GRM8: variants seen among roughly 807,000 people sequenced by gnomAD.
The protein encoded by GRM8 is metabotropic glutamate receptor 8.
Under a neutral mutation model 87.2 loss-of-function variants are expected in GRM8, and 47 were observed. The observed-to-expected ratio is 0.54, with a 90% CI of 0.43 to 0.69. The LOEUF is 0.69. GRM8 is among the 30% of genes least tolerant of loss of function. GRM8 has a pLI of 0.00. For missense variants in GRM8, 1,019 were observed against 1,139.2 expected (o/e 0.89, Z 1.52); for synonymous variants, 396 against 404.5 (o/e 0.98, Z 0.25).
chr7:127,049,296 A>T (rs1394575930), intron 3 of GRM8, among the ~76,000 whole-genome samples: 1 of 152,192 alleles, frequency 6.6e-6, no homozygotes, highest in Non-Finnish European at 1.5e-5. Context: ...TTTACTAATG[A>T]AATATTTCTG....
At chr7:126,846,309 C>T (rs1032725515) in intron 6 of GRM8, among the ~76,000 whole-genome samples, 1 of 152,174 alleles carries the variant, frequency 6.6e-6, no homozygotes, top group Non-Finnish European at 1.5e-5. Flanking sequence ...ATCAATAAAA[C>T]CAAATGTAGG....
Position 127,252,377 on chromosome 7 carries a change from A to G in GRM8, c.-312+420T>C, listed in dbSNP as rs1798922050. On this transcript the variant is annotated intron_variant, in intron 1 of 10. Coordinates refer to ENST00000339582, the MANE Select transcript of GRM8 (RefSeq NM_000845.3). This position sits in a 1 kb window ranked among gnomAD's most constrained non-coding sequence, Gnocchi z 4.9. ...CCTCTTTTCTGAACCTCTTTACTGT[A>G]ATGTAATCATGGGCAGACAAGAGGG... 6.6e-6 allele frequency: 1 copy of G among 152,096 alleles called. No homozygotes were observed. The highest frequency in any genetic ancestry group is 2.4e-5 in the African/African-American group (1 of 41,400). 9.4% of individuals were successfully genotyped at this position (152,096 alleles called of 1,614,324 possible). A position where few individuals can be genotyped will look rare whatever the true frequency, so the allele number is the denominator to read the frequency against.
chr7:127,084,959 G>A (rs761540971), intron 3 of GRM8, among the ~76,000 whole-genome samples: 27 of 152,038 alleles, frequency 1.8e-4, no homozygotes, highest in Non-Finnish European at 1.9e-4. Context: ...GCAAACCCTC[G>A]CCCAACCCTC....
chr7:127,177,888 C>A (rs959320235), intron 2 of GRM8, among the ~76,000 whole-genome samples: 10 of 152,132 alleles, frequency 6.6e-5, no homozygotes, highest in African/African-American at 2.4e-4. Flanking sequence ...CAGAGGCCAC[C>A]CAAATGAGAA....
intron 7 of GRM8, among the ~76,000 whole-genome samples, chr7:126,610,121 G>A (rs747967616): frequency 1.3e-5 from 2 of 152,226 alleles, no homozygotes; most frequent in Non-Finnish European, 2.9e-5. Flanking sequence ...AGGTCTAACA[G>A]TGGCAGAGCA....
At chr7:126,467,427 G>A (rs1322558435) in intron 9 of GRM8, among the ~76,000 whole-genome samples, 1 of 151,844 alleles carries the variant, frequency 6.6e-6, no homozygotes, top group African/African-American at 2.4e-5. Flanking sequence ...AACAGATATC[G>A]AAGGCTTCAT....
intron 8 of GRM8, among the ~76,000 whole-genome samples, chr7:126,584,622 CTCT>C (rs1298647378): frequency 1.3e-5 from 2 of 152,154 alleles, no homozygotes; most frequent in East Asian, 1.9e-4. Flanking sequence ...TTGTGGTCTG[CTCT>C]TCTATAAACC....
intron 2 of GRM8, among the ~76,000 whole-genome samples, chr7:127,188,217 A>G (rs1255018810): frequency 6.6e-6 from 1 of 152,230 alleles, no homozygotes. Context: ...TATAGATGAG[A>G]AAACTGAAAC....
At chr7:127,161,252 G>A (rs1793096793) in intron 2 of GRM8, among the ~76,000 whole-genome samples, 9 of 152,074 alleles carry the variant, frequency 5.9e-5, no homozygotes, top group Admixed American at 5.2e-4. Flanking sequence ...TTTGATCTTT[G>A]AGAGAAGAGC....
In GRM8 at chr7:127,191,172, A is replaced by T. The variant is rs377076825; in HGVS notation, c.510+51523T>A. Among the ~76,000 whole-genome samples the T allele has an allele frequency of 2.6e-5, 4 of 152,312 alleles. No homozygotes were observed. The East Asian group carries it at 7.7e-4, about 29-fold the overall frequency. On this transcript the variant is annotated intron_variant, in intron 2 of 10. Transcript: ENST00000339582. ...TCATCTGATTCAATTATGTAAGCTT[A>T]TATTTTAGAAATGCCAACTCCTTTA...
chr7:126,534,098 G>A (rs1034893887), intron 8 of GRM8, among the ~76,000 whole-genome samples: 1 of 152,050 alleles, frequency 6.6e-6, no homozygotes, highest in Non-Finnish European at 1.5e-5. Context: ...AACTTGATGA[G>A]TGTCATTAGT....
At chr7:127,076,628 T>A (rs1228196984) in intron 3 of GRM8, among the ~76,000 whole-genome samples, 1 of 152,114 alleles carries the variant, frequency 6.6e-6, no homozygotes, top group East Asian at 1.9e-4. Context: ...CTTTAAGGAG[T>A]CCCTGAAGAG....
chr7:127,147,787 G>A (rs1403532902), intron 2 of GRM8, among the ~76,000 whole-genome samples: 1 of 151,580 alleles, frequency 6.6e-6, no homozygotes, highest in East Asian at 1.9e-4. Flanking sequence ...TTTTTATGTT[G>A]TTTACCCAGA....
At chr7:127,005,495 C>T (rs1314486809) in intron 3 of GRM8, among the ~76,000 whole-genome samples, 3 of 151,672 alleles carry the variant, frequency 2.0e-5, no homozygotes, top group African/African-American at 4.8e-5. Flanking sequence ...GTTTCAATCC[C>T]CCTAAGGCCA....
At chr7:126,668,560 A>C (rs941332851) in intron 7 of GRM8, among the ~76,000 whole-genome samples, 9 of 151,640 alleles carry the variant, frequency 5.9e-5, no homozygotes, top group African/African-American at 2.2e-4. Flanking sequence ...CGCATGGCCC[A>C]AGGGTCCTGC....
At chr7:127,157,532 T>G (rs17869835) in intron 2 of GRM8, among the ~76,000 whole-genome samples, 4,508 of 152,220 alleles carry the variant, frequency 0.03, 234 homozygotes, top group African/African-American at 0.1. Flanking sequence ...AAAAACAAAT[T>G]TATGATATAG....
At position 126,693,090 on chromosome 7, in the gene GRM8, T is replaced by A. The variant is rs546867755; in HGVS notation, c.1357+76775A>T. Among the ~76,000 whole-genome samples, 9 of 152,310 alleles carry A rather than the reference T, an allele frequency of 5.9e-5. No homozygotes were observed. The South Asian group carries it at 1.9e-3, about 32-fold the overall frequency. On this transcript the variant is annotated intron_variant, in intron 7 of 10. Coordinates refer to ENST00000339582, the MANE Select transcript of GRM8 (RefSeq NM_000845.3). ...TAATCGCCTCAAACTTCACTAAGATTAACTGGATATGTCACCTCCTCTAAA... is the reference window on the plus strand; with the variant it reads ...TAATCGCCTCAAACTTCACTAAGATAAACTGGATATGTCACCTCCTCTAAA...
chr7:126,872,888 T>C (rs1342579171), intron 6 of GRM8, among the ~76,000 whole-genome samples: 1 of 152,188 alleles, frequency 6.6e-6, no homozygotes, highest in Non-Finnish European at 1.5e-5. Flanking sequence ...TATGTCATAG[T>C]TTCAGAGTAA....
At chr7:126,770,238 T>C (rs990775624) in intron 6 of GRM8, among the ~76,000 whole-genome samples, 173 bp from the exon 7 acceptor site, 4 of 152,150 alleles carry the variant, frequency 2.6e-5, no homozygotes, top group Non-Finnish European at 5.9e-5. Context: ...ATATTAAGTT[T>C]ATTTGGAAAG....
Sources: gnomAD v4.1 joint callset for allele counts (sites outside exome capture counted in the v4.1 genomes callset) on GRCh38, gnomAD v4.1.1 for gene constraint, Gnocchi (gnomAD v3.1) non-coding constraint, MANE v1.5 for transcripts, NCBI Gene and HGNC (gene_info 2026-07-23, HGNC 2026-07-21) for gene names.